The following UNC13B variants were observed in gnomAD, a reference collection of about 807,000 sequenced individuals.
The protein encoded by UNC13B is unc-13 homolog B.
In UNC13B, 144 loss-of-function variants were observed where a neutral mutation model predicts 211.0. That is an observed-to-expected ratio of 0.68 (90% confidence interval 0.60 to 0.78). The LOEUF (loss-of-function observed/expected upper bound fraction) is 0.78. Among genes scored for constraint, UNC13B ranks in the 30% least tolerant of loss-of-function variants. The pLI, the probability that UNC13B is intolerant of heterozygous loss-of-function variation, is 0.00. For missense variants in UNC13B, 1,777 were observed against 2,002.0 expected (o/e 0.89, Z 2.14); for synonymous variants, 709 against 725.8 (o/e 0.98, Z 0.37).
intron 29 of UNC13B, 142 bp downstream of exon 29, chr9:35,397,452 C>T (rs1450324450): frequency 1.4e-6 from 2 of 1,395,194 alleles, no homozygotes; most frequent in Admixed American, 3.9e-5. Flanking sequence ...GTTTCTGGGG[C>T]AGACAGATGG....
intron 11 of UNC13B, among the ~76,000 whole-genome samples, chr9:35,317,663 C>T (rs1830530259): frequency 6.7e-6 from 1 of 150,282 alleles, no homozygotes; most frequent in Admixed American, 6.6e-5. Flanking sequence ...GCTGGGACTA[C>T]AGGCGTGGGC....
In UNC13B at chr9:35,303,834, C is replaced by T; in HGVS notation, c.4430C>T (p.Ser1477Phe). ...SLEELPIDLS[S>F]SSDHEKTTCP... ...GAAGAATTACCCATTGACTTAAGTT[C>T]TTCATCAGATCATGAAAAGACTACA... The change falls in exon 9 of 40, where the codon TCT (serine) becomes TTT (phenylalanine). Residue 1477 changes from serine to phenylalanine, a missense_variant. By Grantham distance (155) the Ser-to-Phe change is radical (BLOSUM62 -2). Coordinates refer to ENST00000635942, the MANE Select transcript of UNC13B (RefSeq NM_001371189.2). 1 of 398,734 alleles carries T rather than the reference C, an allele frequency of 2.5e-6. No homozygotes were observed. The highest frequency in any genetic ancestry group is 4.4e-6 in the Non-Finnish European group (1 of 225,852). The allele number at this position is 398,734 out of a possible 1,614,324, so 24.7% of individuals were successfully genotyped here.
intron 1 of UNC13B, among the ~76,000 whole-genome samples, chr9:35,182,456 TTTTA>T (rs1409470058): frequency 3.1e-4 from 47 of 151,650 alleles, no homozygotes; most frequent in African/African-American, 1.0e-3. Flanking sequence ...TTTATTTTAT[TTTTA>T]TTTATTTTTA....
chr9:35,169,185 T>C (rs1231720232), intron 1 of UNC13B, among the ~76,000 whole-genome samples: 1 of 152,164 alleles, frequency 6.6e-6, no homozygotes, highest in Non-Finnish European at 1.5e-5. Context: ...ACCCCATTCC[T>C]ACTAAAAAAA....
At chr9:35,200,867 A>G (rs950104979) in intron 1 of UNC13B, among the ~76,000 whole-genome samples, 3 of 152,162 alleles carry the variant, frequency 2.0e-5, no homozygotes, top group Admixed American at 1.3e-4. Flanking sequence ...AACTTCCAAC[A>G]CTATGTTGAA....
intron 11 of UNC13B, among the ~76,000 whole-genome samples, chr9:35,339,948 C>G (rs950603426): frequency 6.6e-6 from 1 of 152,232 alleles, no homozygotes; most frequent in African/African-American, 2.4e-5. Context: ...TCTCCTTAGC[C>G]TAGGAAGCCT....
chr9:35,176,761 G>A (rs948279124), intron 1 of UNC13B, among the ~76,000 whole-genome samples: 5 of 152,116 alleles, frequency 3.3e-5, no homozygotes, highest in South Asian at 2.1e-4. Context: ...TGCTATAAAC[G>A]AGAGTACATG....
chr9:35,355,747 G>A (rs1233948509), intron 11 of UNC13B, among the ~76,000 whole-genome samples: 5 of 152,210 alleles, frequency 3.3e-5, no homozygotes, highest in African/African-American at 1.2e-4. Flanking sequence ...TTTCTCAGCT[G>A]TGAGGGATTT....
intron 37 of UNC13B, chr9:35,401,870 T>A (rs554198134): frequency 7.3e-7 from 1 of 1,371,878 alleles, no homozygotes; most frequent in South Asian, 1.3e-5. Flanking sequence ...TGAATGGCTG[T>A]TAACTCCTTA....
chr9:35,262,024 T>A (rs1827303199), intron 7 of UNC13B, among the ~76,000 whole-genome samples: 1 of 152,212 alleles, frequency 6.6e-6, no homozygotes, highest in Non-Finnish European at 1.5e-5. Context: ...TCCATTCATC[T>A]GTTGATGGAA....
At chr9:35,272,964 C>T (rs946209825) in intron 7 of UNC13B, among the ~76,000 whole-genome samples, 2 of 152,118 alleles carry the variant, frequency 1.3e-5, no homozygotes, top group Non-Finnish European at 2.9e-5. Context: ...ATATAGCCCA[C>T]CTTGGAGTTT....
chr9:35,292,395 G>T (rs1829143963), intron 7 of UNC13B, among the ~76,000 whole-genome samples: 1 of 152,060 alleles, frequency 6.6e-6, no homozygotes, highest in South Asian at 2.1e-4. Flanking sequence ...CTACAAAATG[G>T]TTTCTCAAAA....
intron 1 of UNC13B, among the ~76,000 whole-genome samples, chr9:35,175,156 G>A (rs539418143): frequency 6.6e-6 from 1 of 152,260 alleles, no homozygotes; most frequent in Non-Finnish European, 1.5e-5. Context: ...GGGTTCCGTT[G>A]AGTTTGTGGG....
chr9:35,266,373 G>A (rs72725022), intron 7 of UNC13B, among the ~76,000 whole-genome samples: 22,343 of 152,004 alleles, frequency 0.15, 1,908 homozygotes, highest in Admixed American at 0.24. Flanking sequence ...GAAATCACTG[G>A]GCTACTGCTC....
chr9:35,240,513 A>G (rs1428239831), intron 5 of UNC13B, among the ~76,000 whole-genome samples: 1 of 152,184 alleles, frequency 6.6e-6, no homozygotes, highest in Non-Finnish European at 1.5e-5. Flanking sequence ...AGTGAAGGGA[A>G]AATCAATTGG....
intron 1 of UNC13B, among the ~76,000 whole-genome samples, chr9:35,185,607 GA>G (rs373243041): frequency 1.9e-4 from 29 of 152,210 alleles, no homozygotes; most frequent in African/African-American, 6.7e-4. Flanking sequence ...GCTGTTAAAA[GA>G]ACTCTCTATA....
intron 23 of UNC13B, 73 bp downstream of exon 23, chr9:35,385,886 A>C: frequency 6.4e-7 from 1 of 1,551,074 alleles, no homozygotes; most frequent in Non-Finnish European, 8.8e-7. Context: ...AATGAGAATC[A>C]TTGGGCAGAG....
chr9:35,167,525 G>C (rs552275261), intron 1 of UNC13B, among the ~76,000 whole-genome samples: 1 of 150,370 alleles, frequency 6.7e-6, no homozygotes, highest in Non-Finnish European at 1.5e-5. Context: ...TTATATTGAT[G>C]ATATTCAGGA....
chr9:35,281,218 C>T (rs1050171571), intron 7 of UNC13B, among the ~76,000 whole-genome samples: 37 of 149,606 alleles, frequency 2.5e-4, no homozygotes, highest in African/African-American at 8.4e-4. Context: ...CCACTGCACT[C>T]CAGCCTGGTG....
Sources: allele counts gnomAD v4.1 joint callset (sites outside exome capture counted in the v4.1 genomes callset), GRCh38; gene constraint gnomAD v4.1.1; transcripts MANE v1.5; gene names NCBI Gene and HGNC (gene_info 2026-07-23, HGNC 2026-07-21).